Variants in CAST observed in about 807,000 individuals in gnomAD.
CAST encodes calpastatin, also known as MIR583 host.
A neutral mutation model predicts 119.6 loss-of-function variants in CAST; 76 were observed. The observed-to-expected ratio is 0.64, with a 90% confidence interval of 0.53 to 0.77. The LOEUF (loss-of-function observed/expected upper bound fraction) is 0.77, where lower values mean the gene tolerates loss of function less well. CAST is among the 30% of genes least tolerant of loss of function. The pLI, the probability that CAST is intolerant of heterozygous loss-of-function variation, is 0.00. For synonymous variants in CAST, 319 were observed against 331.6 expected, an observed-to-expected ratio of 0.96 and a Z score of 0.41; for missense variants, 953 against 946.5, an observed-to-expected ratio of 1.01 and a Z score of -0.09.
the CAST span, among the ~76,000 whole-genome samples, chr5:96,050,860 A>G: frequency 6.6e-6 from 1 of 152,148 alleles, no homozygotes; most frequent in Non-Finnish European, 1.5e-5. Flanking sequence ...GGGCTCGGAA[A>G]TGTGGGTCCA....
chr5:96,038,308 G>T, the CAST span, among the ~76,000 whole-genome samples: 27 of 152,180 alleles, frequency 1.8e-4, no homozygotes, highest in African/African-American at 6.5e-4. Flanking sequence ...ATCCCTTGAA[G>T]AATTTAAATG....
chr5:96,293,983 C>T, the CAST span, among the ~76,000 whole-genome samples: 1 of 152,074 alleles, frequency 6.6e-6, no homozygotes, highest in Non-Finnish European at 1.5e-5. Context: ...TGGTCTTGAA[C>T]TCCTGACCTC....
At chr5:96,490,005 T>G in the CAST span, among the ~76,000 whole-genome samples, 3 of 152,236 alleles carry the variant, frequency 2.0e-5, no homozygotes, top group Non-Finnish European at 4.4e-5. Flanking sequence ...GACTGGACTT[T>G]GTAAGAAATG....
At chr5:96,320,537 C>G in the CAST span, among the ~76,000 whole-genome samples, 1 of 152,108 alleles carries the variant, frequency 6.6e-6, no homozygotes, top group Non-Finnish European at 1.5e-5. Context: ...CGTGCCCGGT[C>G]GGCTTTTGCT....
chr5:96,055,141 T>C, the CAST span, among the ~76,000 whole-genome samples: 1 of 152,082 alleles, frequency 6.6e-6, no homozygotes. Flanking sequence ...ATCCTCCCTT[T>C]CTTCCATTTT....
chr5:96,549,305 G>A (rs1168926758), intron 1 of CAST, among the ~76,000 whole-genome samples: 2 of 152,076 alleles, frequency 1.3e-5, no homozygotes, highest in African/African-American at 4.8e-5. Context: ...AATAAATGGA[G>A]GAATAGTGAT....
rs145004983 is a variant in CAST at position 96,611,663 on chromosome 5, G to C, written c.61-63876G>C. On this transcript the variant is annotated intron_variant, in intron 1 of 11. Coordinates refer to the CAST transcript ENST00000505143. ...CAAAAGAAGCTATCAACAGAGTAAG[G>C]AGACAGCCTACAAAATGGGAGAAGA... Among the ~76,000 whole-genome samples, 1,435 of 152,064 alleles carry C rather than the reference G, an allele frequency of 9.4e-3. 26 individuals are homozygous for C. The highest frequency in any genetic ancestry group is 0.033 in the African/African-American group (1,353 of 41,486).
intron 1 of CAST, among the ~76,000 whole-genome samples, chr5:96,606,496 A>G (rs1190672988): frequency 6.6e-6 from 1 of 152,218 alleles, no homozygotes; most frequent in Non-Finnish European, 1.5e-5. Context: ...GGACAGGCCT[A>G]GAGGAGGAAC....
At chr5:96,352,445 C>A in the CAST span, among the ~76,000 whole-genome samples, 2 of 152,094 alleles carry the variant, frequency 1.3e-5, no homozygotes, top group African/African-American at 4.8e-5. Context: ...ATGTACCAGG[C>A]AACTGTTTCT....
chr5:95,977,641 A>AT, the CAST span, among the ~76,000 whole-genome samples: 1 of 152,044 alleles, frequency 6.6e-6, no homozygotes, highest in African/African-American at 2.4e-5. Context: ...AAGATAAGTG[A>AT]TTTTTCTTTT....
the CAST span, among the ~76,000 whole-genome samples, chr5:96,420,591 C>A: frequency 6.7e-6 from 1 of 150,244 alleles, no homozygotes; most frequent in Non-Finnish European, 1.5e-5. Context: ...GAAATAAACA[C>A]CCAGAAGTTG....
At chr5:96,483,671 T>A in the CAST span, among the ~76,000 whole-genome samples, 1 of 152,162 alleles carries the variant, frequency 6.6e-6, no homozygotes, top group African/African-American at 2.4e-5. Context: ...AAATAACAAT[T>A]TGGATACTTT....
chr5:96,182,575 A>G, the CAST span, among the ~76,000 whole-genome samples: 3 of 152,238 alleles, frequency 2.0e-5, no homozygotes, highest in Non-Finnish European at 2.9e-5. Context: ...AAATGATGGT[A>G]TTATATGTCA....
At chr5:96,062,055 G>A in the CAST span, among the ~76,000 whole-genome samples, 4 of 152,200 alleles carry the variant, frequency 2.6e-5, no homozygotes, top group African/African-American at 9.6e-5. Context: ...CTTGAAATCC[G>A]CATGTATTCT....
At chr5:96,401,013 G>C in the CAST span, among the ~76,000 whole-genome samples, 1 of 148,764 alleles carries the variant, frequency 6.7e-6, no homozygotes, top group African/African-American at 2.5e-5. Context: ...CGTGAACCTG[G>C]GAGGCGGAGC....
intron 25 of CAST, chr5:96,763,343 C>T (rs1212927889): frequency 1.3e-5 from 10 of 751,326 alleles, no homozygotes; most frequent in East Asian, 5.0e-5. Flanking sequence ...TAAAATGCCC[C>T]GTGTGTGTGT....
At chr5:96,622,136 G>C (rs57652921) in intron 1 of CAST, among the ~76,000 whole-genome samples, 20 of 151,274 alleles carry the variant, frequency 1.3e-4, no homozygotes, top group Non-Finnish European at 2.2e-4. Flanking sequence ...CACCTGGCTA[G>C]TTTTTGTATT....
At chr5:96,601,511 T>C (rs1221392827) in intron 1 of CAST, among the ~76,000 whole-genome samples, 5 of 152,212 alleles carry the variant, frequency 3.3e-5, no homozygotes, top group Non-Finnish European at 7.3e-5. Flanking sequence ...GAGATTCAAG[T>C]TGAAAAGAGA....
rs996590933 is a variant in CAST at position 96,720,658 on chromosome 5, T to G, written c.211-1981T>G. Among the ~76,000 whole-genome samples, 6 of 152,358 alleles carry G rather than the reference T, an allele frequency of 3.9e-5. 1 individual carries two copies. Among genetic ancestry groups the G allele is most frequent in the South Asian group, 4.1e-4 (2 of 4,830 alleles). On this transcript the variant is annotated intron_variant, in intron 3 of 31. Coordinates refer to ENST00000675179, the MANE Select transcript of CAST (RefSeq NM_001750.7). ...CTGCGCCATTGCTGATTTTCAGCTG[T>G]TCTGTATAGAGATTTTACTGTTCAT...
Sources: allele counts gnomAD v4.1 joint callset (sites outside exome capture counted in the v4.1 genomes callset), GRCh38; gene constraint gnomAD v4.1.1; transcripts MANE v1.5; gene names NCBI Gene and HGNC (gene_info 2026-07-23, HGNC 2026-07-21).